The following PCDHA2 variants were observed in gnomAD, a reference collection of about 807,000 sequenced individuals.
PCDHA2 encodes protocadherin alpha-2.
PCDHA2 carries 58 observed loss-of-function variants against 66.0 expected under a neutral mutation model. The observed-to-expected ratio is 0.88, with a 90% CI of 0.71 to 1.09. The LOEUF is 1.09. Among genes scored for constraint, PCDHA2 ranks in the 50% least tolerant of loss-of-function variants. PCDHA2 has a pLI of 0.00. For missense variants in PCDHA2, 1,267 were observed against 1,242.3 expected, an observed-to-expected ratio of 1.02 and a Z score of -0.30; for synonymous variants, 634 against 554.0, an observed-to-expected ratio of 1.14 and a Z score of -2.03.
intron 1 of PCDHA2, chr5:140,801,695 G>A: frequency 2.5e-6 from 4 of 1,614,170 alleles, no homozygotes; most frequent in Non-Finnish European, 3.4e-6. Context: ...GAACAAATTC[G>A]TTGTTGACTT....
chr5:140,802,486 G>C (rs371780452), intron 1 of PCDHA2: 5 of 1,614,048 alleles, frequency 3.1e-6, no homozygotes, highest in South Asian at 1.1e-5. Context: ...GCTCGGGACG[G>C]GGGCTCGCCT....
intron 3 of PCDHA2, among the ~76,000 whole-genome samples, chr5:140,990,141 C>A (rs2097376222): frequency 6.6e-6 from 1 of 151,818 alleles, no homozygotes; most frequent in African/African-American, 2.4e-5. Flanking sequence ...ACTCAAGAGG[C>A]ATAATAATAG....
At chr5:140,938,887 A>ACG (rs2092246756) in intron 1 of PCDHA2, among the ~76,000 whole-genome samples, 1 of 152,094 alleles carries the variant, frequency 6.6e-6, no homozygotes, top group South Asian at 2.1e-4. Flanking sequence ...ACACACACAC[A>ACG]CACAGATGCG....
intron 1 of PCDHA2, among the ~76,000 whole-genome samples, chr5:140,919,536 C>A (rs1554199151): frequency 6.6e-6 from 1 of 151,864 alleles, no homozygotes; most frequent in Admixed American, 6.6e-5. Context: ...TTTTCCTATA[C>A]TTTTCATTTA....
chr5:140,878,079 T>C (rs1453461494), intron 1 of PCDHA2: 1 of 346,026 alleles, frequency 2.9e-6, no homozygotes, highest in Non-Finnish European at 4.9e-6. Context: ...TTTTCTATAA[T>C]ATTTTATATG....
chr5:140,966,499 A>AGCG (rs1178498918), intron 1 of PCDHA2: 4 of 431,834 alleles, frequency 9.3e-6, no homozygotes, highest in Non-Finnish European at 1.6e-5. Flanking sequence ...CTGGAGCTGT[A>AGCG]GCGGCAGCAG....
intron 3 of PCDHA2, among the ~76,000 whole-genome samples, chr5:140,996,539 A>G (rs1023035245): frequency 2.6e-5 from 4 of 152,170 alleles, no homozygotes; most frequent in South Asian, 4.1e-4. Flanking sequence ...GTGTTTTGAT[A>G]TTATGCTGTC....
At position 140,924,761 on chromosome 5, in the gene PCDHA2, G is replaced by T. The variant is rs979984304; in HGVS notation, c.2389-54188G>T. On this transcript the variant is annotated intron_variant, in intron 1 of 3. Coordinates refer to ENST00000526136, the MANE Select transcript of PCDHA2 (RefSeq NM_018905.3). Reference sequence around the variant, plus strand: ...AATACAAAAATTAACCGAGCATGGTGGTGCGCGCTTGTAGTCCTAGCTACT... The same window carrying T: ...AATACAAAAATTAACCGAGCATGGTTGTGCGCGCTTGTAGTCCTAGCTACT... Among the ~76,000 whole-genome samples the T allele has an allele frequency of 5.3e-5, 8 of 151,864 alleles. No individual in the cohort carries two copies. The East Asian group carries it at 1.5e-3, about 29-fold the overall frequency.
chr5:140,930,394 T>C (rs531643898), intron 1 of PCDHA2: 1 of 145,356 alleles, frequency 6.9e-6, no homozygotes, highest in South Asian at 2.2e-4. Flanking sequence ...TCAAAACTTC[T>C]TTTTTTTTTT....
intron 1 of PCDHA2, among the ~76,000 whole-genome samples, chr5:140,889,361 T>C (rs1005398759): frequency 2.0e-5 from 3 of 152,106 alleles, no homozygotes; most frequent in Non-Finnish European, 4.4e-5. Context: ...GATTACTGAC[T>C]CAATTTTAAT....
At chr5:140,857,904 T>C in intron 1 of PCDHA2, 2 of 1,597,710 alleles carry the variant, frequency 1.3e-6, no homozygotes, top group South Asian at 1.1e-5. Context: ...GGTGCACGCA[T>C]CCCGTTTCGC....
intron 3 of PCDHA2, among the ~76,000 whole-genome samples, chr5:140,992,185 C>G (rs1554252730): frequency 1.3e-5 from 2 of 152,102 alleles, no homozygotes; most frequent in African/African-American, 4.8e-5. Context: ...ATCATGCTTT[C>G]AGTGATCTAT....
chr5:140,966,727 C>T (rs1330950109), intron 1 of PCDHA2: 4 of 1,405,404 alleles, frequency 2.8e-6, no homozygotes, highest in East Asian at 2.8e-5. Context: ...AAGCTGCCGC[C>T]TCCGGCCCTG....
At chr5:140,834,488 C>G in intron 1 of PCDHA2, 1 of 1,614,154 alleles carries the variant, frequency 6.2e-7, no homozygotes. Flanking sequence ...ACTACTCGGT[C>G]CCCGAGGAGG....
intron 1 of PCDHA2, among the ~76,000 whole-genome samples, chr5:140,916,255 C>G (rs1161014900): frequency 6.6e-6 from 1 of 152,144 alleles, no homozygotes. Context: ...ACTTGGGGAC[C>G]CCAAGAGCAT....
chr5:140,994,217 T>G (rs781792763), intron 3 of PCDHA2, among the ~76,000 whole-genome samples: 2 of 152,110 alleles, frequency 1.3e-5, no homozygotes, highest in Non-Finnish European at 2.9e-5. Flanking sequence ...GGACCCAGGG[T>G]CTGTCTATGT....
chr5:140,843,686 CA>C (rs2150365068), intron 1 of PCDHA2: 11 of 1,588,582 alleles, frequency 6.9e-6, no homozygotes, highest in Non-Finnish European at 2.6e-6. Context: ...AGGCGAAGAG[CA>C]AGATTTAAAT....
intron 1 of PCDHA2, chr5:140,928,268 G>A: frequency 6.2e-7 from 1 of 1,614,164 alleles, no homozygotes; most frequent in Non-Finnish European, 8.5e-7. Context: ...GAAAACAATG[G>A]CCCTGGGGCC....
At chr5:140,932,946 G>A (rs1554209125) in intron 1 of PCDHA2, among the ~76,000 whole-genome samples, 1 of 151,982 alleles carries the variant, frequency 6.6e-6, no homozygotes, top group East Asian at 1.9e-4. Flanking sequence ...TGGAATGAAG[G>A]TGGACTAAAT....
Sources: gnomAD v4.1 joint callset for allele counts (sites outside exome capture counted in the v4.1 genomes callset) on GRCh38, gnomAD v4.1.1 for gene constraint, MANE v1.5 for transcripts, NCBI Gene and HGNC (gene_info 2026-07-23, HGNC 2026-07-21) for gene names.